PPFIBP2: variants seen among roughly 807,000 people sequenced by gnomAD.
PPFIBP2 encodes PPFIB scaffold protein 2.
A neutral mutation model predicts 118.3 loss-of-function variants in PPFIBP2; 118 were observed. The ratio of observed to expected loss-of-function variants is 1.00; its 90% CI spans 0.86 to 1.16. PPFIBP2 has a LOEUF of 1.16. Ranked by LOEUF, PPFIBP2 falls within the 50% of genes most tolerant of loss-of-function variation. The pLI is 0.00. For synonymous variants in PPFIBP2, 414 were observed against 397.4 expected (o/e 1.04, Z -0.50); for missense variants, 1,195 against 1,073.1 (o/e 1.11, Z -1.59).
At chr11:7,564,161 G>A (rs147285628) in intron 2 of PPFIBP2, among the ~76,000 whole-genome samples, 139 of 144,126 alleles carry the variant, frequency 9.6e-4, no homozygotes, top group Middle Eastern at 3.5e-3. Flanking sequence ...GCAAGACTCC[G>A]TCTCAAAAAA....
chr11:7,641,410 G>C (rs1186431881), intron 15 of PPFIBP2, 69 bp from the exon 16 acceptor site: 3 of 1,556,160 alleles, frequency 1.9e-6, no homozygotes, highest in African/African-American at 2.7e-5. Flanking sequence ...GGAGGGCCCA[G>C]GCTTGGGGAA....
chr11:7,551,337 G>T (rs576147554), intron 2 of PPFIBP2, among the ~76,000 whole-genome samples: 113 of 152,252 alleles, frequency 7.4e-4, no homozygotes, highest in Non-Finnish European at 1.4e-3. Context: ...CTCTTTGATG[G>T]TTGTCAGGGA....
chr11:7,568,357 A>G (rs142493137), intron 3 of PPFIBP2, among the ~76,000 whole-genome samples: 23 of 152,328 alleles, frequency 1.5e-4, no homozygotes, highest in African/African-American at 5.3e-4. Context: ...GGCACATCCC[A>G]TAACAGTTGC....
chr11:7,525,525 G>T (rs1590112295), intron 1 of PPFIBP2, among the ~76,000 whole-genome samples: 1 of 152,186 alleles, frequency 6.6e-6, no homozygotes, highest in East Asian at 1.9e-4. Context: ...GGGCAACCAT[G>T]GTGGCGGTGA....
At chr11:7,575,635 ATTC>A (rs1366966441) in intron 3 of PPFIBP2, among the ~76,000 whole-genome samples, 1 of 152,204 alleles carries the variant, frequency 6.6e-6, no homozygotes, top group Non-Finnish European at 1.5e-5. Flanking sequence ...CCATATGATA[ATTC>A]TTAACCCAGG....
Position 7,648,501 on chromosome 11 carries a change from C to A in PPFIBP2, c.1761C>A (p.His587Gln), listed in dbSNP as rs764075263. 1.2e-6 allele frequency: 2 copies of A among 1,614,086 alleles called. No homozygotes were observed. Among genetic ancestry groups the A allele is most frequent in the Non-Finnish European group, 1.7e-6 (2 of 1,180,038 alleles). ...CCAGGCAGTGGGTATCTTCTGGCCA[C>A]ACCTTATTGACAGCCACCCCTCAGG... The part of the protein sequence containing the change: ...IFARQWVSSG[H>Q]TLLTATPQDM... The change falls in exon 18 of 24, where the codon CAC becomes CAA. Residue 587 changes from histidine (H) to glutamine (Q), a missense_variant. Transcript: ENST00000299492.
At chr11:7,541,636 C>T (rs1405701298) in intron 1 of PPFIBP2, among the ~76,000 whole-genome samples, 3 of 152,190 alleles carry the variant, frequency 2.0e-5, no homozygotes, top group African/African-American at 7.2e-5. Context: ...TAAGTCACTT[C>T]ATGCAATTGC....
intron 9 of PPFIBP2, 59 bp downstream of exon 9, chr11:7,628,405 G>A (rs1590688111): frequency 6.1e-6 from 9 of 1,469,026 alleles, no homozygotes; most frequent in Non-Finnish European, 8.5e-6. Flanking sequence ...GCTGTGTTTG[G>A]TCCCTGCTGG....
chr11:7,551,568 G>C (rs1264126775), intron 2 of PPFIBP2, among the ~76,000 whole-genome samples: 1 of 152,176 alleles, frequency 6.6e-6, no homozygotes, highest in Non-Finnish European at 1.5e-5. Context: ...GTTCTTCAGT[G>C]TTGTGTTGGC....
At chr11:7,522,733 C>G (rs958895841) in intron 1 of PPFIBP2, among the ~76,000 whole-genome samples, 1 of 152,170 alleles carries the variant, frequency 6.6e-6, no homozygotes, top group Non-Finnish European at 1.5e-5. Flanking sequence ...CATGGGGGCC[C>G]GAAGGCTCAT....
Position 7,628,333 on chromosome 11 carries a change from C to G in PPFIBP2, c.875C>G (p.Ala292Gly), listed in dbSNP as rs1354034685. 1 of 1,613,854 alleles carries G rather than the reference C, an allele frequency of 6.2e-7. No homozygotes were observed. Among genetic ancestry groups the G allele is most frequent in the Non-Finnish European group, 8.5e-7 (1 of 1,179,812 alleles). ...ATGGGGATGGAAACTTTGCTGCTTG[C>G]CAATGAAGATAAGGTAAGATGGTCA... ...LKMGMETLLL[A>G]NEDKDRRIEE... Residue 292 changes from alanine (A) to glycine (G), a missense_variant, in exon 9 of 24, where the codon GCC becomes GGC. Physicochemically the swap from Ala to Gly is moderately conservative, Grantham distance 60. Transcript: ENST00000299492.
Position 7,649,236 on chromosome 11 carries a change from G to A in PPFIBP2, c.1998+1G>A, listed in dbSNP as rs748864367. ...ACGAATGCTGCAATACCTAACTGTGGTGAGGACTTTTTCTTTAAATATTTC... is the reference window on the plus strand; with the variant it reads ...ACGAATGCTGCAATACCTAACTGTGATGAGGACTTTTTCTTTAAATATTTC... On this transcript the variant is annotated splice_donor_variant, in intron 20 of 23. Transcript: ENST00000299492. LOFTEE classifies it high-confidence loss of function. 1 of 1,610,840 alleles carries A rather than the reference G, an allele frequency of 6.2e-7. No homozygotes were observed. The highest frequency in any genetic ancestry group is 8.5e-7 in the Non-Finnish European group (1 of 1,177,332).
chr11:7,662,383 G>A, the PPFIBP2 span, among the ~76,000 whole-genome samples: 9 of 152,106 alleles, frequency 5.9e-5, no homozygotes, highest in East Asian at 7.7e-4. Flanking sequence ...TCTGTAAAGT[G>A]TTTTATTTCT....
chr11:7,619,092 A>G (rs551847569), intron 6 of PPFIBP2, among the ~76,000 whole-genome samples: 1 of 152,292 alleles, frequency 6.6e-6, no homozygotes, highest in Non-Finnish European at 1.5e-5. Context: ...AATAGTATAC[A>G]CCTACTATGT....
At chr11:7,660,181 CTG>C (rs1419744851), downstream of PPFIBP2, among the ~76,000 whole-genome samples, 51 of 127,928 alleles carry the variant, frequency 4.0e-4, 5 homozygotes, top group African/African-American at 1.2e-3. Context: ...ACTTCCAACA[CTG>C]TGTTGAATAG....
intron 3 of PPFIBP2, chr11:7,576,743 C>G (rs1856383639): frequency 6.6e-6 from 1 of 152,496 alleles, no homozygotes; most frequent in African/African-American, 2.4e-5. Context: ...CCAGACTCCC[C>G]TGAGTTTGCG....
At chr11:7,627,457 T>C (rs1378478421) in intron 8 of PPFIBP2, among the ~76,000 whole-genome samples, 2 of 152,034 alleles carry the variant, frequency 1.3e-5, no homozygotes, top group African/African-American at 4.8e-5. Context: ...CCTTGTACTT[T>C]TTTTTTTTTA....
intron 17 of PPFIBP2, among the ~76,000 whole-genome samples, chr11:7,646,309 G>A (rs574888110): frequency 2.6e-4 from 40 of 152,288 alleles, no homozygotes; most frequent in South Asian, 1.2e-3. Flanking sequence ...ACTTGAATGC[G>A]TTATAGTTTT....
At chr11:7,612,346 T>C (rs56091594) in intron 6 of PPFIBP2, among the ~76,000 whole-genome samples, 2,684 of 152,286 alleles carry the variant, frequency 0.018, 83 homozygotes, top group African/African-American at 0.061. Context: ...TTGCATCTCA[T>C]TGGGCCACTT....
Sources: gnomAD v4.1 joint callset for allele counts (sites outside exome capture counted in the v4.1 genomes callset) on GRCh38, gnomAD v4.1.1 for gene constraint, MANE v1.5 for transcripts, NCBI Gene and HGNC (gene_info 2026-07-23, HGNC 2026-07-21) for gene names.